Variants in SLC39A10 observed in about 807,000 individuals in gnomAD.
The protein encoded by SLC39A10 is solute carrier family 39 member 10.
In SLC39A10, 13 loss-of-function variants were observed where a neutral mutation model predicts 65.1. That is an observed-to-expected ratio of 0.20 (90% CI 0.13 to 0.32). The LOEUF (loss-of-function observed/expected upper bound fraction) is 0.32. SLC39A10 is among the 10% of genes least tolerant of loss of function. SLC39A10 has a pLI of 1.00. For synonymous variants in SLC39A10, 321 were observed against 342.2 expected, an observed-to-expected ratio of 0.94 and a Z score of 0.68; for missense variants, 831 against 1,018.4, an observed-to-expected ratio of 0.82 and a Z score of 2.50.
chr2:195,677,278 T>C (rs10178320), intron 1 of SLC39A10, among the ~76,000 whole-genome samples: 105,448 of 152,076 alleles, frequency 0.69, 37,027 homozygotes, highest in Non-Finnish European at 0.73. Context: ...TGGCCAGGTA[T>C]GGTAGCTCAC....
At chr2:195,616,794 G>T (rs1167038922) in intron 2 of SLC39A10, among the ~76,000 whole-genome samples, 3 of 149,646 alleles carry the variant, frequency 2.0e-5, no homozygotes, top group Non-Finnish European at 4.5e-5. Flanking sequence ...TAGTAGAGAC[G>T]GGGTTTCACC....
chr2:195,652,547 T>TAA (rs746583732), upstream of SLC39A10, among the ~76,000 whole-genome samples: 1,697 of 123,766 alleles, frequency 0.014, 34 homozygotes, highest in African/African-American at 0.047. Context: ...AGACTCATCT[T>TAA]AAAAAAAAAA....
chr2:195,673,350 T>G (rs1158106370), intron 1 of SLC39A10, among the ~76,000 whole-genome samples: 1 of 152,108 alleles, frequency 6.6e-6, no homozygotes, highest in African/African-American at 2.4e-5. Flanking sequence ...TTTGTAGAGA[T>G]GGGGTTCTGC....
chr2:195,696,993 T>A, intron 3 of SLC39A10, among the ~76,000 whole-genome samples: 1 of 152,182 alleles, frequency 6.6e-6, no homozygotes, highest in East Asian at 1.9e-4. Context: ...TCATATTAAC[T>A]ATTCATTAAA....
rs55916294 is a variant in SLC39A10 at position 195,735,805 on chromosome 2, A to ATT, written c.*781_*782dup. ...TGTTTTTTACTTTAATTTTGTTTTG[A>ATT]TTTTTTTTTTTTTTTTTTGGCGGGG... On this transcript the variant is annotated 3_prime_UTR_variant, in exon 10 of 10. Transcript: ENST00000359634. 0.055 allele frequency: 6,885 copies of ATT among 124,278 alleles called. 308 individuals are homozygous for ATT. The highest frequency in any genetic ancestry group is 0.1 in the African/African-American group (3,389 of 32,604). The allele number at this position is 124,278 out of a possible 1,614,324, so 7.7% of individuals were successfully genotyped here.
chr2:195,634,600 G>A (rs1688660906), intron 2 of SLC39A10, among the ~76,000 whole-genome samples: 1 of 152,112 alleles, frequency 6.6e-6, no homozygotes. Flanking sequence ...TTGATGTATT[G>A]ACAGAAATGT....
chr2:195,649,586 C>A (rs916691005), intron 2 of SLC39A10, among the ~76,000 whole-genome samples: 3 of 152,074 alleles, frequency 2.0e-5, no homozygotes, highest in African/African-American at 4.8e-5. Flanking sequence ...AACAAATGAG[C>A]CTTTTTAAAA....
Position 195,680,571 on chromosome 2 carries a change from C to A in SLC39A10, c.529C>A (p.Arg177Ser). ...DDKHMHDHNH[R>S]LRHHHRLHHH... is the part of the protein sequence containing the mutation. ...TAAACATATGCATGACCATAATCAC[C>A]GCCTACGTCATCACCATCGTTTGCA... is the stretch of plus-strand genomic sequence containing the variant. Residue 177 changes from arginine (R) to serine (S), a missense_variant, in exon 2 of 10, where the codon CGC (arginine) becomes AGC (serine). This residue lies in a region of SLC39A10 where 446 missense variants were observed against 499.2 expected (regional missense o/e 0.89). Coordinates refer to ENST00000359634, the MANE Select transcript of SLC39A10 (RefSeq NM_020342.3). 6.2e-7 allele frequency: 1 copy of A among 1,614,070 alleles called. No homozygotes were observed. Among genetic ancestry groups the A allele is most frequent in the Middle Eastern group, 1.6e-4 (1 of 6,062 alleles).
At chr2:195,670,940 AAC>A (rs1270273656) in intron 1 of SLC39A10, among the ~76,000 whole-genome samples, 1 of 152,236 alleles carries the variant, frequency 6.6e-6, no homozygotes, top group Non-Finnish European at 1.5e-5. Context: ...GATGAAATAT[AAC>A]ACAGCTACAG....
intron 3 of SLC39A10, among the ~76,000 whole-genome samples, chr2:195,697,235 TGCAATTATTATGCTATATTACATAAG>T (rs1691000462): frequency 6.6e-6 from 1 of 152,176 alleles, no homozygotes; most frequent in Non-Finnish European, 1.5e-5. Context: ...ATAGATTAAA[TGCAATTATTATGCTATATTACATAAG>T]GCACTTGAGC....
At chr2:195,671,090 C>T (rs1396656078) in intron 1 of SLC39A10, among the ~76,000 whole-genome samples, 2 of 152,110 alleles carry the variant, frequency 1.3e-5, no homozygotes, top group Non-Finnish European at 1.5e-5. Flanking sequence ...CCAGTCACTC[C>T]CCACACCAAA....
chr2:195,664,828 G>A (rs1328731432), intron 1 of SLC39A10, among the ~76,000 whole-genome samples: 1 of 152,014 alleles, frequency 6.6e-6, no homozygotes, highest in Non-Finnish European at 1.5e-5. Context: ...GAATTCATTC[G>A]AAGCAAGTAA....
intron 3 of SLC39A10, among the ~76,000 whole-genome samples, chr2:195,691,260 C>T (rs932924892): frequency 2.6e-5 from 4 of 152,042 alleles, no homozygotes; most frequent in Non-Finnish European, 4.4e-5. Context: ...TGTATCCACT[C>T]GTTGGTTGAT....
chr2:195,614,253 A>G (rs1688159787), intron 2 of SLC39A10, among the ~76,000 whole-genome samples: 1 of 152,234 alleles, frequency 6.6e-6, no homozygotes, highest in African/African-American at 2.4e-5. Context: ...AAAAGTCTTC[A>G]ACTGTTTTAC....
At position 195,728,879 on chromosome 2, in the gene SLC39A10, A is replaced by G. The variant is rs895347661; in HGVS notation, c.2337+530A>G. Among the ~76,000 whole-genome samples, 1 of 151,926 alleles carries G rather than the reference A, an allele frequency of 6.6e-6. No individual in the cohort carries two copies. Among genetic ancestry groups the G allele is most frequent in the Non-Finnish European group, 1.5e-5 (1 of 68,016 alleles). On this transcript the variant is annotated intron_variant, in intron 9 of 9. Coordinates refer to ENST00000359634, the MANE Select transcript of SLC39A10 (RefSeq NM_020342.3). This position sits in a 1 kb window ranked among gnomAD's most constrained non-coding sequence, Gnocchi z 4.4. ...TGTTAGACAGTGTATTTACAGAACTAGCAATTAGGTTTTTATGTTTGTTTG... is the reference window on the plus strand; with the variant it reads ...TGTTAGACAGTGTATTTACAGAACTGGCAATTAGGTTTTTATGTTTGTTTG...
chr2:195,715,525 C>CAAA (rs545656309), intron 6 of SLC39A10, among the ~76,000 whole-genome samples: 26 of 61,534 alleles, frequency 4.2e-4, no homozygotes, highest in African/African-American at 5.6e-4. Context: ...GACTCTGTCT[C>CAAA]AAAAAAAAAA....
chr2:195,624,361 TG>T (rs1365888904), intron 2 of SLC39A10, among the ~76,000 whole-genome samples: 1 of 123,848 alleles, frequency 8.1e-6, no homozygotes, highest in African/African-American at 3.2e-5. Flanking sequence ...CACTCCAGCC[TG>T]GGCAACAAGA....
rs1181794862 is a variant in SLC39A10, at chr2:195,681,094, A to G, written c.1008+44A>G. On this transcript the variant is annotated intron_variant, in intron 2 of 9. Coordinates refer to ENST00000359634, the MANE Select transcript of SLC39A10 (RefSeq NM_020342.3). Reference sequence around the variant, plus strand: ...CCGATAGCTGCTTCGTAATTCTCACATAATTGTGGTGCATTTTAAAAACAG... The same window carrying G: ...CCGATAGCTGCTTCGTAATTCTCACGTAATTGTGGTGCATTTTAAAAACAG... 7 of 1,537,852 alleles carry G rather than the reference A, an allele frequency of 4.6e-6. No individual in the cohort carries two copies. In the African/African-American group the frequency reaches 6.9e-5, roughly 15 times the overall value.
intron 2 of SLC39A10, among the ~76,000 whole-genome samples, chr2:195,651,646 T>C (rs1178300808): frequency 6.6e-6 from 1 of 151,930 alleles, no homozygotes; most frequent in Admixed American, 6.6e-5. Context: ...AGCTAATTTT[T>C]GTATTTTTAG....
Sources: allele counts gnomAD v4.1 joint callset (sites outside exome capture counted in the v4.1 genomes callset), GRCh38; gene constraint gnomAD v4.1.1; regional missense constraint gnomAD v4.1.1; non-coding constraint Gnocchi (gnomAD v3.1); transcripts MANE v1.5; gene names NCBI Gene and HGNC (gene_info 2026-07-23, HGNC 2026-07-21).